The following MGAT5B variants were observed in gnomAD, a reference collection of about 807,000 sequenced individuals.
MGAT5B encodes the protein alpha-1,6-mannosylglycoprotein 6-beta-N-acetylglucosaminyltransferase B, also known as N-acetylglucosaminyl-transferase Vb.
A neutral mutation model predicts 95.1 loss-of-function variants in MGAT5B; 54 were observed. The ratio of observed to expected loss-of-function variants is 0.57; its 90% CI spans 0.46 to 0.71. The LOEUF (loss-of-function observed/expected upper bound fraction) is 0.71. MGAT5B is among the 30% of genes least tolerant of loss of function. The pLI, the probability that MGAT5B is intolerant of heterozygous loss-of-function variation, is 0.00. For synonymous variants in MGAT5B, 464 were observed against 451.0 expected (o/e 1.03, Z -0.36); for missense variants, 935 against 1,088.6 (o/e 0.86, Z 1.99).
At chr17:76,895,074 C>T (rs2588503) in intron 3 of MGAT5B, among the ~76,000 whole-genome samples, 13,180 of 152,056 alleles carry the variant, frequency 0.087, 1,813 homozygotes, top group African/African-American at 0.29. Flanking sequence ...TACGGCTGCT[C>T]CTCATCGCTC....
At chr17:76,932,596 G>A in intron 10 of MGAT5B, 49 bp from the exon 11 acceptor site, 1 of 1,608,508 alleles carries the variant, frequency 6.2e-7, no homozygotes, top group Non-Finnish European at 8.5e-7. Context: ...GCCTGGGGCT[G>A]CCCTTGGTTG....
At chr17:76,892,415 G>A (rs1967907992) in intron 3 of MGAT5B, among the ~76,000 whole-genome samples, 1 of 152,224 alleles carries the variant, frequency 6.6e-6, no homozygotes, top group South Asian at 2.1e-4. Flanking sequence ...CCGCAATGAA[G>A]CCCCAAGTGC....
chr17:76,947,696 G>A (rs1450627327), intron 16 of MGAT5B, 134 bp from the exon 17 acceptor site: 13 of 1,355,650 alleles, frequency 9.6e-6, no homozygotes, highest in South Asian at 2.0e-5. Flanking sequence ...AATAATGCAG[G>A]TAAAGCTACC....
At chr17:76,891,921 C>T (rs1219489923) in intron 3 of MGAT5B, among the ~76,000 whole-genome samples, 1 of 152,132 alleles carries the variant, frequency 6.6e-6, no homozygotes, top group Non-Finnish European at 1.5e-5. Flanking sequence ...GGTTGTTCCT[C>T]TTCCAAGCCC....
At position 76,872,843 on chromosome 17, in the gene MGAT5B, C is replaced by T. The variant is rs1278009009; in HGVS notation, c.69-8C>T. On this transcript the variant is annotated splice_region_variant and splice_polypyrimidine_tract_variant and intron_variant, in intron 1 of 17. Transcript: ENST00000569840. ...TGCCCTCCTGACCCGCCTCCTTCCT[C>T]TCCGCAGGCTTTTTGTCCTGGGCAT... is the stretch of plus-strand genomic sequence containing the variant. The T allele has an allele frequency of 6.2e-7, 1 of 1,614,238 alleles. No homozygotes were observed. Among genetic ancestry groups the T allele is most frequent in the Non-Finnish European group, 8.5e-7 (1 of 1,180,048 alleles).
Position 76,949,022 on chromosome 17 carries a change from C to T in MGAT5B, c.*184C>T, listed in dbSNP as rs879770437. 25 of 723,098 alleles carry T rather than the reference C, an allele frequency of 3.5e-5. No individual in the cohort carries two copies. Among genetic ancestry groups the T allele is most frequent in the African/African-American group, 2.8e-4 (16 of 56,236 alleles). 44.8% of individuals were successfully genotyped at this position (723,098 alleles called of 1,614,324 possible). On this transcript the variant is annotated 3_prime_UTR_variant, in exon 18 of 18. Coordinates refer to ENST00000569840, the MANE Select transcript of MGAT5B (RefSeq NM_001199172.2). The stretch of plus-strand genomic sequence containing the variant: ...CCGGGAATAGGAGGAGGCAGCATGC[C>T]GAGCCCCTGGGACCTCCCAGGCAGG...
At chr17:76,932,019 T>TTCC (rs1377004731) in intron 10 of MGAT5B, among the ~76,000 whole-genome samples, 3 of 151,660 alleles carry the variant, frequency 2.0e-5, no homozygotes, top group Non-Finnish European at 4.4e-5. Flanking sequence ...TTCTTTCTTC[T>TTCC]TCCTCCTCCT....
rs929567874 is a variant in MGAT5B, at chr17:76,917,955, G to T, written c.1026-7011G>T. ...GTCTGTAAGGAAGAGGACTGGGAAC[G>T]ACCGGAGGGCCGAGTTCCCGTTCCT... On this transcript the variant is annotated intron_variant, in intron 8 of 17. Coordinates refer to ENST00000569840, the MANE Select transcript of MGAT5B (RefSeq NM_001199172.2). The surrounding 1 kb of genome is among the most constrained non-coding windows in gnomAD (Gnocchi z 6.1). Among the ~76,000 whole-genome samples, 1 of 152,160 alleles carries T rather than the reference G, an allele frequency of 6.6e-6. No homozygotes were observed. Among genetic ancestry groups the T allele is most frequent in the African/African-American group, 2.4e-5 (1 of 41,444 alleles).
chr17:76,940,440 C>A lies in MGAT5B; in HGVS notation c.1623C>A (p.Ala541=), dbSNP rs752665678. The change falls in exon 14 of 18, where the codon GCC becomes GCA. Residue 541 remains alanine, a synonymous_variant. Transcript: ENST00000569840. This position sits in a 1 kb window ranked among gnomAD's most constrained non-coding sequence, Gnocchi z 4.3. The part of the protein sequence containing the change: ...IGFGFPYEGP[A]PLEAIANGCI... ...TTGGCTTCCCCTACGAGGGCCCCGC[C>A]CCCCTGGAGGCCATCGCCAATGGTT... 41 of 1,613,030 alleles carry A rather than the reference C, an allele frequency of 2.5e-5. No homozygotes were observed. Among genetic ancestry groups the A allele is most frequent in the Non-Finnish European group, 3.5e-5 (41 of 1,179,482 alleles).
chr17:76,942,133 CAG>C (rs1294754676), intron 15 of MGAT5B, among the ~76,000 whole-genome samples: 1 of 152,194 alleles, frequency 6.6e-6, no homozygotes, highest in African/African-American at 2.4e-5. Context: ...CCGGCCTAGA[CAG>C]AGTGGGGAGG....
intron 15 of MGAT5B, among the ~76,000 whole-genome samples, chr17:76,945,942 G>A (rs1246532169): frequency 6.6e-6 from 1 of 152,134 alleles, no homozygotes; most frequent in African/African-American, 2.4e-5. Flanking sequence ...GGGGAAGTCT[G>A]GGGTGCTGGG....
chr17:76,887,480 TCCCTCCCTCCCTCCCTTCCTCTCTCC>T (rs1967688789), intron 3 of MGAT5B, among the ~76,000 whole-genome samples: 2 of 64,410 alleles, frequency 3.1e-5, no homozygotes, highest in African/African-American at 1.4e-4. Flanking sequence ...CCTTCCTCCC[TCCCTCCCTCCCTCCCTTCCTCTCTCC>T]CTCCCTCCCT....
chr17:76,947,868 C>T lies in MGAT5B; in HGVS notation c.1962C>T (p.Ala654=). 7.5e-6 allele frequency: 12 copies of T among 1,596,834 alleles called. No individual in the cohort carries two copies. The highest frequency in any genetic ancestry group is 1.0e-5 in the Non-Finnish European group (12 of 1,168,188). Reference sequence around the variant, plus strand: ...CTCCAGACCCTGCCCTACCAGAGGCCCACGCCCCGCAGAGCCCCTTTGTCC... The same window carrying T: ...CTCCAGACCCTGCCCTACCAGAGGCTCACGCCCCGCAGAGCCCCTTTGTCC... ...CRAPDPALPE[A]HAPQSPFVLA... is the part of the protein sequence containing the mutation. Residue 654 remains alanine, a synonymous_variant, in exon 17 of 18, where the codon GCC becomes GCT. Transcript: ENST00000569840.
At chr17:76,937,654 T>C (rs2145269407) in intron 12 of MGAT5B, among the ~76,000 whole-genome samples, 1 of 152,258 alleles carries the variant, frequency 6.6e-6, no homozygotes, top group Non-Finnish European at 1.5e-5. Flanking sequence ...CCACAGCTCC[T>C]CAGAGGAGCT....
chr17:76,918,575 A>G lies in MGAT5B; in HGVS notation c.1026-6391A>G, dbSNP rs924097358. On this transcript the variant is annotated intron_variant, in intron 8 of 17. Coordinates refer to ENST00000569840, the MANE Select transcript of MGAT5B (RefSeq NM_001199172.2). This position sits in a 1 kb window ranked among gnomAD's most constrained non-coding sequence, Gnocchi z 5.1. ...TAACCCCTGCTTCCTAAAGCAGCTC[A>G]TTAGATGTCCAGTTCAACCTCTGAG... Among the ~76,000 whole-genome samples, 1 of 152,174 alleles carries G rather than the reference A, an allele frequency of 6.6e-6. No homozygotes were observed. Among genetic ancestry groups the G allele is most frequent in the African/African-American group, 2.4e-5 (1 of 41,438 alleles).
chr17:76,941,634 C>A (rs1969865130), intron 15 of MGAT5B, among the ~76,000 whole-genome samples: 1 of 152,212 alleles, frequency 6.6e-6, no homozygotes, highest in African/African-American at 2.4e-5. Context: ...CCGAGGCGGG[C>A]AGCTCACTTG....
intron 8 of MGAT5B, chr17:76,913,931 T>C (rs1403258667): frequency 1.3e-5 from 5 of 380,762 alleles, no homozygotes; most frequent in African/African-American, 6.3e-5. Context: ...GGCAAGATAG[T>C]GAGACCTGGT....
At position 76,872,951 on chromosome 17, in the gene MGAT5B, A is replaced by G. The variant is rs1967061890; in HGVS notation, c.169A>G (p.Ile57Val). ...ARRLGDSPFTIRTEVMGGPES... is the reference protein window; with the variant it reads ...ARRLGDSPFTVRTEVMGGPES... ...GCGCCTGGGGGACTCGCCATTCACCATCCGCACAGAAGGTACCTTGGTGGG... is the reference window on the plus strand; with the variant it reads ...GCGCCTGGGGGACTCGCCATTCACCGTCCGCACAGAAGGTACCTTGGTGGG... The change falls in exon 2 of 18, where the codon ATC becomes GTC. Residue 57 changes from isoleucine to valine, a missense_variant. Around this residue, in one of 4 missense-constraint regions of MGAT5B, gnomAD observed 243 missense variants for 228.2 expected, o/e 1.06. Coordinates refer to ENST00000569840, the MANE Select transcript of MGAT5B (RefSeq NM_001199172.2). The G allele has an allele frequency of 9.3e-6, 15 of 1,613,778 alleles. No individual in the cohort carries two copies. Among genetic ancestry groups the G allele is most frequent in the African/African-American group, 1.3e-5 (1 of 74,918 alleles).
At chr17:76,936,276 C>T (rs1448812163) in intron 12 of MGAT5B, among the ~76,000 whole-genome samples, 2 of 152,086 alleles carry the variant, frequency 1.3e-5, no homozygotes, top group Non-Finnish European at 2.9e-5. Flanking sequence ...CGTGTGGTGG[C>T]GTGCGCCCGT....
Sources: gnomAD v4.1 joint callset for allele counts (sites outside exome capture counted in the v4.1 genomes callset) on GRCh38, gnomAD v4.1.1 for gene constraint, gnomAD v4.1.1 regional missense constraint, Gnocchi (gnomAD v3.1) non-coding constraint, MANE v1.5 for transcripts, NCBI Gene and HGNC (gene_info 2026-07-23, HGNC 2026-07-21) for gene names.